Variants in ERC2 observed in about 807,000 individuals in gnomAD.
The protein encoded by ERC2 is ELKS/RAB6-interacting/CAST family member 2.
In ERC2, 42 loss-of-function variants were observed where a neutral mutation model predicts 114.8. The ratio of observed to expected loss-of-function variants is 0.37; its 90% CI spans 0.29 to 0.47. The LOEUF is 0.47. ERC2 is among the 20% of genes least tolerant of loss of function. The probability of loss-of-function intolerance (pLI) is 0.99; values close to 1 mark genes in which losing one functional copy is unlikely to be tolerated. For synonymous variants in ERC2, 454 were observed against 425.5 expected, an observed-to-expected ratio of 1.07 and a Z score of -0.82; for missense variants, 939 against 1,150.7, an observed-to-expected ratio of 0.82 and a Z score of 2.66.
chr3:55,662,413 A>C (rs541483996), intron 17 of ERC2, among the ~76,000 whole-genome samples: 1 of 152,364 alleles, frequency 6.6e-6, no homozygotes, highest in East Asian at 1.9e-4. Flanking sequence ...GTAGGTCTAT[A>C]TATATTGAAA....
At chr3:55,663,955 G>A (rs1024953601) in intron 17 of ERC2, among the ~76,000 whole-genome samples, 5 of 152,102 alleles carry the variant, frequency 3.3e-5, no homozygotes, top group African/African-American at 9.7e-5. Context: ...TAAACTACGC[G>A]CTTGTTTGTA....
rs186951105 is a variant in ERC2, at chr3:55,667,731, G to A, written c.*39+16063C>T. ...TTGCCCCCCAACAAATCCAGGAGGC[G>A]TGTGCTATTATTAGTTACATGTTAA... On this transcript the variant is annotated intron_variant, in intron 17 of 17. Coordinates refer to ENST00000288221, the MANE Select transcript of ERC2 (RefSeq NM_015576.3). Among the ~76,000 whole-genome samples, 276 of 152,344 alleles carry A rather than the reference G, an allele frequency of 1.8e-3. 5 individuals are homozygous for A. Among genetic ancestry groups the A allele is most frequent in the Admixed American group, 0.014 (209 of 15,310 alleles).
intron 2 of ERC2, among the ~76,000 whole-genome samples, chr3:56,415,215 A>G (rs1036725921): frequency 6.6e-6 from 1 of 152,232 alleles, no homozygotes; most frequent in Non-Finnish European, 1.5e-5. Context: ...ACAACTGTAT[A>G]CTAAAAAACT....
rs370421394 is a variant in ERC2, at chr3:55,563,643, C to T, written c.*40-52367G>A. 1.2e-4 allele frequency among the ~76,000 whole-genome samples: 18 copies of T among 152,298 alleles called. No individual in the cohort carries two copies. In the South Asian group the frequency reaches 1.7e-3, roughly 14 times the overall value. On this transcript the variant is annotated intron_variant, in intron 17 of 17. Transcript: ENST00000288221. Reference sequence around the variant, plus strand: ...ATCCAAAGCAGAAAGGGCCACGGAACGTGGAGAAATTTCTATCTTTCCCCC... The same window carrying T: ...ATCCAAAGCAGAAAGGGCCACGGAATGTGGAGAAATTTCTATCTTTCCCCC...
intron 6 of ERC2, among the ~76,000 whole-genome samples, chr3:56,083,544 TATA>T (rs1414841568): frequency 6.6e-6 from 1 of 152,160 alleles, no homozygotes; most frequent in Admixed American, 6.5e-5. Context: ...TTGATATAAT[TATA>T]ATTTATATTT....
chr3:55,996,436 G>C (rs547701706), intron 10 of ERC2, among the ~76,000 whole-genome samples: 35 of 152,246 alleles, frequency 2.3e-4, no homozygotes, highest in African/African-American at 7.5e-4. Flanking sequence ...TAATTCCACT[G>C]ATTAAACAGG....
intron 14 of ERC2, among the ~76,000 whole-genome samples, chr3:55,772,767 C>T (rs1401659614): frequency 6.6e-6 from 1 of 152,142 alleles, no homozygotes; most frequent in Non-Finnish European, 1.5e-5. Context: ...CCTGAAGCAA[C>T]TCCTGCTGTA....
At chr3:55,955,294 G>GTGT in intron 12 of ERC2, 4 of 399,602 alleles carry the variant, frequency 1.0e-5, no homozygotes, top group African/African-American at 2.1e-5. Context: ...GTGTGTAAGT[G>GTGT]GGGTATAAAT....
intron 6 of ERC2, among the ~76,000 whole-genome samples, chr3:56,085,879 G>A (rs1177045832): frequency 6.6e-6 from 1 of 152,076 alleles, no homozygotes; most frequent in Non-Finnish European, 1.5e-5. Flanking sequence ...GGTCCCATTT[G>A]CCCTGCATCC....
intron 14 of ERC2, among the ~76,000 whole-genome samples, chr3:55,803,732 T>G (rs2059390534): frequency 6.6e-6 from 1 of 152,178 alleles, no homozygotes; most frequent in Non-Finnish European, 1.5e-5. Flanking sequence ...GTAAACACAG[T>G]CATGGAATAT....
intron 14 of ERC2, among the ~76,000 whole-genome samples, chr3:55,823,164 G>A (rs574654862): frequency 6.6e-6 from 1 of 152,242 alleles, no homozygotes; most frequent in African/African-American, 2.4e-5. Context: ...AATTGAGCTG[G>A]CTTCATGAGA....
chr3:55,683,698 A>G, intron 17 of ERC2, 96 bp downstream of exon 17: 1 of 1,025,968 alleles, frequency 9.7e-7, no homozygotes, highest in Non-Finnish European at 1.4e-6. Flanking sequence ...CACAGGGCAC[A>G]ATTCACAAAC....
At chr3:56,071,615 T>C (rs1239329617) in intron 7 of ERC2, among the ~76,000 whole-genome samples, 2 of 152,190 alleles carry the variant, frequency 1.3e-5, no homozygotes, top group East Asian at 3.9e-4. Flanking sequence ...GCTGAATGAA[T>C]GGATGAATGA....
chr3:55,685,928 T>G (rs905577372), intron 16 of ERC2, among the ~76,000 whole-genome samples: 2 of 152,226 alleles, frequency 1.3e-5, no homozygotes, highest in African/African-American at 4.8e-5. Flanking sequence ...TCCTATCAGG[T>G]TTTAATTTTT....
At chr3:55,806,068 A>G (rs57864937) in intron 14 of ERC2, among the ~76,000 whole-genome samples, 30,483 of 152,094 alleles carry the variant, frequency 0.2, 3,226 homozygotes, top group Middle Eastern at 0.3. Context: ...GGCTGGGTAT[A>G]GTGGTTCAAT....
chr3:55,675,903 C>CTTTCTTT (rs2061776233), intron 17 of ERC2, among the ~76,000 whole-genome samples: 1 of 47,994 alleles, frequency 2.1e-5, no homozygotes, highest in South Asian at 1.3e-3. Context: ...TCTTTTCTTT[C>CTTTCTTT]TTTTTTTTTT....
chr3:56,450,741 G>C (rs1404839439), intron 1 of ERC2, among the ~76,000 whole-genome samples: 2 of 152,280 alleles, frequency 1.3e-5, no homozygotes, highest in African/African-American at 4.8e-5. Context: ...TGAGGCAGGA[G>C]AGTAGCTTGA....
chr3:55,717,306 T>C (rs1192884556), intron 15 of ERC2, among the ~76,000 whole-genome samples: 2 of 152,158 alleles, frequency 1.3e-5, no homozygotes, highest in Admixed American at 6.5e-5. Context: ...TACCTGTCAG[T>C]CTATGGGGCA....
chr3:55,897,419 G>C (rs2063896421), intron 13 of ERC2, among the ~76,000 whole-genome samples: 1 of 152,224 alleles, frequency 6.6e-6, no homozygotes, highest in Non-Finnish European at 1.5e-5. Context: ...AAACAGACAG[G>C]CTCTTCTGAG....
Sources: allele counts gnomAD v4.1 joint callset (sites outside exome capture counted in the v4.1 genomes callset), GRCh38; gene constraint gnomAD v4.1.1; transcripts MANE v1.5; gene names NCBI Gene and HGNC (gene_info 2026-07-23, HGNC 2026-07-21).